The following B4GALT1 variants were observed in gnomAD, a reference collection of about 807,000 sequenced individuals.
B4GALT1 encodes beta-1,4-galactosyltransferase 1, also known as N-acetyllactosamine synthase.
Under a neutral mutation model 34.9 loss-of-function variants are expected in B4GALT1, and 16 were observed. The observed-to-expected ratio is 0.46, with a 90% CI of 0.31 to 0.70. The LOEUF is 0.70. B4GALT1 is among the 30% of genes least tolerant of loss of function. The pLI is 0.05. For synonymous variants in B4GALT1, 221 were observed against 218.1 expected, an observed-to-expected ratio of 1.01 and a Z score of -0.12; for missense variants, 445 against 530.5, an observed-to-expected ratio of 0.84 and a Z score of 1.58.
At chr9:33,177,525 G>T in the B4GALT1 span, 1 of 152,034 alleles carries the variant, frequency 6.6e-6, no homozygotes, top group Non-Finnish European at 1.5e-5. Flanking sequence ...TATTTTCTAT[G>T]GTTGTTTTCA....
At chr9:33,142,048 T>C (rs1312793503) in intron 1 of B4GALT1, among the ~76,000 whole-genome samples, 3 of 152,092 alleles carry the variant, frequency 2.0e-5, no homozygotes, top group Non-Finnish European at 4.4e-5. Flanking sequence ...AGTGGCACAA[T>C]CTTGGCTCAC....
At chr9:33,180,737 A>C in the B4GALT1 span, among the ~76,000 whole-genome samples, 1 of 152,146 alleles carries the variant, frequency 6.6e-6, no homozygotes, top group African/African-American at 2.4e-5. Flanking sequence ...CTTGAGCCCT[A>C]GCTGCTAGGT....
At chr9:33,134,200 G>C (rs569108169) in intron 2 of B4GALT1, among the ~76,000 whole-genome samples, 7 of 152,288 alleles carry the variant, frequency 4.6e-5, no homozygotes, top group African/African-American at 1.4e-4. Flanking sequence ...GCTTCCCCTG[G>C]GGTCATAGGG....
chr9:33,138,318 A>T (rs1587739436), intron 1 of B4GALT1, among the ~76,000 whole-genome samples: 1 of 152,308 alleles, frequency 6.6e-6, no homozygotes, highest in Admixed American at 6.5e-5. Context: ...AGCCACTCTC[A>T]GGGTACTGGT....
At chr9:33,128,444 A>G (rs1490745133) in intron 2 of B4GALT1, among the ~76,000 whole-genome samples, 1 of 152,140 alleles carries the variant, frequency 6.6e-6, no homozygotes, top group African/African-American at 2.4e-5. Flanking sequence ...TCCCAGAACA[A>G]TGTCCATGGA....
At position 33,113,888 on chromosome 9, in the gene B4GALT1, G is replaced by A. The variant is rs761572460; in HGVS notation, c.960-10C>T. 5.6e-6 allele frequency: 9 copies of A among 1,613,294 alleles called. No individual in the cohort carries two copies. In the South Asian group the frequency reaches 9.9e-5, roughly 18 times the overall value. ...GCCTCTAAAAACTAATCTGCAAAGA[G>A]TAAAGGGAAAGTCATTATCACAGAG... On this transcript the variant is annotated splice_polypyrimidine_tract_variant and intron_variant, in intron 4 of 5. Transcript: ENST00000379731.
the B4GALT1 span, among the ~76,000 whole-genome samples, chr9:33,179,174 T>A: frequency 3.7e-4 from 57 of 152,326 alleles, no homozygotes; most frequent in African/African-American, 1.3e-3. Context: ...CAAAGTCACA[T>A]GACAAAGGGA....
At position 33,112,631 on chromosome 9, in the gene B4GALT1, A is replaced by T. The variant is rs905329846; in HGVS notation, c.*823T>A. Reference sequence around the variant, plus strand: ...AAGTTTACATAGCATGCCAAGAAAAATAAATTGTCATGACTTAACATTAAA... The same window carrying T: ...AAGTTTACATAGCATGCCAAGAAAATTAAATTGTCATGACTTAACATTAAA... On this transcript the variant is annotated 3_prime_UTR_variant, in exon 6 of 6. Coordinates refer to ENST00000379731, the MANE Select transcript of B4GALT1 (RefSeq NM_001497.4). The T allele has an allele frequency of 2.2e-4, 33 of 152,798 alleles. No homozygotes were observed. Among genetic ancestry groups the T allele is most frequent in the African/African-American group, 7.5e-4 (31 of 41,584 alleles). The allele number at this position is 152,798 out of a possible 1,614,324, so 9.5% of individuals were successfully genotyped here. A position where few individuals can be genotyped will look rare whatever the true frequency, so the allele number is the denominator to read the frequency against.
intron 2 of B4GALT1, 108 bp from the exon 3 acceptor site, chr9:33,120,714 G>C: frequency 8.7e-7 from 1 of 1,151,544 alleles, no homozygotes; most frequent in Non-Finnish European, 1.3e-6. Flanking sequence ...GGAAACTCTT[G>C]GGCCTCACTT....
chr9:33,115,879 C>G, intron 4 of B4GALT1, 112 bp downstream of exon 4: 1 of 1,390,504 alleles, frequency 7.2e-7, no homozygotes, highest in Non-Finnish European at 1.0e-6. Context: ...TGTGGGCTGA[C>G]TAGGGGTGCA....
At chr9:33,104,891 T>C in intron 2 of B4GALT1, 1 of 381,716 alleles carries the variant, frequency 2.6e-6, no homozygotes, top group Non-Finnish European at 5.1e-6. Context: ...GCTAAGTAAA[T>C]GAACTGCAAC....
At chr9:33,117,828 G>A (rs1839962396) in intron 3 of B4GALT1, among the ~76,000 whole-genome samples, 1 of 152,196 alleles carries the variant, frequency 6.6e-6, no homozygotes, top group Non-Finnish European at 1.5e-5. Context: ...ATTAATGTGA[G>A]GGTTTGAACC....
upstream of B4GALT1, among the ~76,000 whole-genome samples, chr9:33,168,370 C>T (rs1840803571): frequency 6.6e-6 from 1 of 152,228 alleles, no homozygotes; most frequent in South Asian, 2.1e-4. Flanking sequence ...AGCAGAGACA[C>T]CTCACCCCAG....
chr9:33,161,755 A>G (rs1311933577), intron 1 of B4GALT1, among the ~76,000 whole-genome samples: 3 of 152,154 alleles, frequency 2.0e-5, no homozygotes, highest in Non-Finnish European at 2.9e-5. Context: ...GACAAGAAAA[A>G]CTGGAATTTC....
At chr9:33,174,979 AAAAAAAAAAAAATATATATATATAT>A in the B4GALT1 span, among the ~76,000 whole-genome samples, 1 of 43,304 alleles carries the variant, frequency 2.3e-5, no homozygotes, top group African/African-American at 7.4e-5. Flanking sequence ...AAAAAAAAAA[AAAAAAAAAAAAATATATATATATAT>A]ATATATATAT....
At chr9:33,149,714 T>C (rs1190608646) in intron 1 of B4GALT1, among the ~76,000 whole-genome samples, 1 of 152,156 alleles carries the variant, frequency 6.6e-6, no homozygotes, top group African/African-American at 2.4e-5. Context: ...CTAGATCTCG[T>C]TACACTGAGA....
intron 3 of B4GALT1, among the ~76,000 whole-genome samples, chr9:33,117,717 T>C (rs1023543749): frequency 6.6e-6 from 1 of 152,224 alleles, no homozygotes; most frequent in African/African-American, 2.4e-5. Flanking sequence ...CAAGCAAAGG[T>C]CCCCAGGGGG....
At chr9:33,126,219 G>A (rs932066051) in intron 2 of B4GALT1, among the ~76,000 whole-genome samples, 15 of 152,154 alleles carry the variant, frequency 9.9e-5, no homozygotes, top group African/African-American at 3.4e-4. Context: ...GAACTAGGCC[G>A]AGTGGGTTGC....
chr9:33,122,785 C>A (rs1840040262), intron 2 of B4GALT1, among the ~76,000 whole-genome samples: 1 of 152,140 alleles, frequency 6.6e-6, no homozygotes, highest in African/African-American at 2.4e-5. Context: ...TTTGGCTGTC[C>A]CACAGGCTGA....
Sources: gnomAD v4.1 joint callset for allele counts (sites outside exome capture counted in the v4.1 genomes callset) on GRCh38, gnomAD v4.1.1 for gene constraint, MANE v1.5 for transcripts, NCBI Gene and HGNC (gene_info 2026-07-23, HGNC 2026-07-21) for gene names.